TFAP4: variants seen among roughly 807,000 people sequenced by gnomAD.
TFAP4 encodes the protein transcription factor AP-4.
In TFAP4, 7 loss-of-function variants were observed where a neutral mutation model predicts 40.4. The observed-to-expected ratio is 0.17, with a 90% confidence interval of 0.10 to 0.33. TFAP4 has a LOEUF of 0.33. Ranked by LOEUF, TFAP4 falls within the 10% of genes least tolerant of loss-of-function variation. TFAP4 has a pLI of 1.00. For missense variants in TFAP4, 374 were observed against 451.1 expected (o/e 0.83, Z 1.55); for synonymous variants, 218 against 181.4 (o/e 1.20, Z -1.62).
At chr16:4,271,746 G>T (rs570378040) in intron 1 of TFAP4, among the ~76,000 whole-genome samples, 8 of 152,292 alleles carry the variant, frequency 5.3e-5, no homozygotes, top group Admixed American at 3.3e-4. Flanking sequence ...CGTGCGGCGG[G>T]AAGCTGCCCT....
chr16:4,262,356 G>T lies in TFAP4; in HGVS notation c.322C>A (p.Gln108Lys). ...SLEQEKTRLLQQNTQLKRFIQ... is the reference protein window; with the variant it reads ...SLEQEKTRLLKQNTQLKRFIQ... ...AAGCGCTTGAGCTGTGTGTTCTGCT[G>T]CAAGAGCCTGGTCTTCTCCTGCTCC... Residue 108 changes from glutamine (Q) to lysine (K), a missense_variant, in exon 3 of 7, where the codon CAG (glutamine) becomes AAG (lysine). This residue lies in a region of TFAP4 where 51 missense variants were observed against 91.1 expected (regional missense o/e 0.56). Coordinates refer to ENST00000204517, the MANE Select transcript of TFAP4 (RefSeq NM_003223.3). The T allele has an allele frequency of 3.7e-6, 6 of 1,614,236 alleles. No individual in the cohort carries two copies. The highest frequency in any genetic ancestry group is 4.2e-6 in the Non-Finnish European group (5 of 1,180,050).
At position 4,258,044 on chromosome 16, in the gene TFAP4, T is replaced by TG. The variant is rs555049420; in HGVS notation, c.*10dup. 84 of 1,607,294 alleles carry TG rather than the reference T, an allele frequency of 5.2e-5. No individual in the cohort carries two copies. Among genetic ancestry groups the TG allele is most frequent in the Admixed American group, 1.8e-4 (11 of 59,552 alleles). Reference sequence around the variant, plus strand: ...CAGCCCCCAGAAGGGAGAGGAGGGCTGGGGGGGTAGTCAGGGAAGCTCCCC... The same window carrying TG: ...CAGCCCCCAGAAGGGAGAGGAGGGCTGGGGGGGGTAGTCAGGGAAGCTCCCC... On this transcript the variant is annotated 3_prime_UTR_variant, in exon 7 of 7. Transcript: ENST00000204517.
At chr16:4,264,704 G>A (rs1473514767) in intron 1 of TFAP4, 1 of 152,370 alleles carries the variant, frequency 6.6e-6, no homozygotes, top group Non-Finnish European at 1.5e-5. Flanking sequence ...ACGGCTGTGT[G>A]TGGCCCAGCC....
At chr16:4,270,056 A>G (rs891489666) in intron 1 of TFAP4, among the ~76,000 whole-genome samples, 17 of 151,192 alleles carry the variant, frequency 1.1e-4, no homozygotes, top group African/African-American at 3.2e-4. Flanking sequence ...ATGCTGACAC[A>G]TGCCTGTAAT....
chr16:4,270,985 G>T (rs1428312196), intron 1 of TFAP4, among the ~76,000 whole-genome samples: 1 of 152,240 alleles, frequency 6.6e-6, no homozygotes, highest in Non-Finnish European at 1.5e-5. Context: ...CTCATAGAAA[G>T]ATTATGACAA....
intron 1 of TFAP4, among the ~76,000 whole-genome samples, chr16:4,272,370 G>C (rs367831570): frequency 1.3e-5 from 2 of 152,114 alleles, no homozygotes; most frequent in Admixed American, 6.5e-5. Context: ...AAGCATGGCC[G>C]GGACTGCTGC....
chr16:4,265,764 A>G (rs1225286968), intron 1 of TFAP4: 1 of 152,200 alleles, frequency 6.6e-6, no homozygotes, highest in East Asian at 1.9e-4. Flanking sequence ...TGAGCAAGCA[A>G]TGCAGGGTCG....
rs760098052 is a variant in TFAP4, at chr16:4,258,194, C to CGCT, written c.875_877dup (p.Gln292dup). 1.9e-6 allele frequency: 3 copies of CGCT among 1,611,268 alleles called. No individual in the cohort carries two copies. The highest frequency in any genetic ancestry group is 2.5e-6 in the Non-Finnish European group (3 of 1,178,020). On this transcript the variant is annotated inframe_insertion, in exon 7 of 7. Coordinates refer to ENST00000204517, the MANE Select transcript of TFAP4 (RefSeq NM_003223.3). ...GACAGGCTTCACGATGACAGCTCGC[C>CGCT]GCTGCTCCTCCTCCAGCTCCTGCTT...
rs1365679586 is a variant in TFAP4, at chr16:4,262,571, G to C, written c.220C>G (p.Leu74Val). ...INAGFQSLKT[L>V]IPHTDGEKLS... The stretch of plus-strand genomic sequence containing the variant: ...TTCTCTCCGTCTGTGTGGGGGATGA[G>C]GGTCTTGAGGGACTGGAATCCCGCG... The change falls in exon 2 of 7, where the codon CTC becomes GTC. Residue 74 changes from leucine to valine, a missense_variant. Physicochemically the swap from Leu to Val is conservative, Grantham distance 32. Coordinates refer to ENST00000204517, the MANE Select transcript of TFAP4 (RefSeq NM_003223.3). The C allele has an allele frequency of 1.2e-6, 2 of 1,612,350 alleles. No homozygotes were observed. Among genetic ancestry groups the C allele is most frequent in the Non-Finnish European group, 1.7e-6 (2 of 1,180,018 alleles).
At chr16:4,272,478 A>G (rs987015694) in intron 1 of TFAP4, among the ~76,000 whole-genome samples, 180 bp downstream of exon 1, 1 of 151,730 alleles carries the variant, frequency 6.6e-6, no homozygotes, top group African/African-American at 2.4e-5. Context: ...CCATGCTCCA[A>G]GGAAGGAGGG....
At chr16:4,262,022 G>GC in intron 3 of TFAP4, 73 bp from the exon 4 acceptor site, 1 of 1,448,318 alleles carries the variant, frequency 6.9e-7, no homozygotes. Flanking sequence ...TTCCATCGCA[G>GC]CCCCCCAAAG....
rs528385650 is a variant in TFAP4 at position 4,260,220 on chromosome 16, T to C, written c.692A>G (p.His231Arg). The C allele has an allele frequency of 5.9e-6, 1 of 169,372 alleles. No individual in the cohort carries two copies. The highest frequency in any genetic ancestry group is 1.1e-5 in the Non-Finnish European group (1 of 89,800). 10.5% of individuals were successfully genotyped at this position (169,372 alleles called of 1,614,324 possible). ...TQLLPPPAPT[H>R]HPTVIVPAPP... The stretch of plus-strand genomic sequence containing the variant: ...TGCTGGCACGATCACCGTGGGGTGG[T>C]GGGTGGGGGCCGGAGGGGGCAGAAG... Residue 231 changes from histidine to arginine, a missense_variant, in exon 6 of 7, where the codon CAC becomes CGC. Around this residue, in one of 6 missense-constraint regions of TFAP4, gnomAD observed 161 missense variants for 154.2 expected, o/e 1.04. Transcript: ENST00000204517.
Position 4,261,797 on chromosome 16 carries a change from G to T in TFAP4, c.507C>A (p.Arg169=). Residue 169 remains arginine (R), a synonymous_variant, in exon 4 of 7, where the codon CGC becomes CGA. Coordinates refer to ENST00000204517, the MANE Select transcript of TFAP4 (RefSeq NM_003223.3). ...RQQLDKERSV[R]MMLEEQVRSL... Reference sequence around the variant, plus strand: ...GCCTCACCTGCTCCTCCAGCATCATGCGCACCGAGCGCTCCTTGTCCAGCT... The same window carrying T: ...GCCTCACCTGCTCCTCCAGCATCATTCGCACCGAGCGCTCCTTGTCCAGCT... 6.2e-7 allele frequency: 1 copy of T among 1,609,262 alleles called. No homozygotes were observed. The highest frequency in any genetic ancestry group is 2.2e-5 in the East Asian group (1 of 44,844).
intron 1 of TFAP4, chr16:4,265,384 T>G (rs932057776): frequency 2.0e-5 from 3 of 152,124 alleles, no homozygotes; most frequent in African/African-American, 4.8e-5. Flanking sequence ...GAGGCCAAAG[T>G]AGGAGGATCG....
In TFAP4 at chr16:4,272,647, G is replaced by A. The variant is rs757039827; in HGVS notation, c.89+11C>T. ...TGGTAGGAAGGGGGTGGGGGGAGGA[G>A]GAGTACACACCTACAGAGCCCTCCT... On this transcript the variant is annotated intron_variant, in intron 1 of 6. Transcript: ENST00000204517. 28 of 1,603,932 alleles carry A rather than the reference G, an allele frequency of 1.7e-5. No individual in the cohort carries two copies. The South Asian group carries it at 3.0e-4, about 17-fold the overall frequency.
chr16:4,270,343 CAGGCCTGGG>C, intron 1 of TFAP4, among the ~76,000 whole-genome samples: 2 of 152,314 alleles, frequency 1.3e-5, no homozygotes, highest in Middle Eastern at 6.8e-3. Context: ...TCCCCTCTGG[CAGGCCTGGG>C]AGACAGAAAG....
Position 4,269,245 on chromosome 16 carries a change from A to G in TFAP4, c.89+3413T>C, listed in dbSNP as rs564317602. On this transcript the variant is annotated intron_variant, in intron 1 of 6. Transcript: ENST00000204517. ...GCGGTGGCTCACGCCTGTAATCCCA[A>G]CACTTTGGGAGGCCGAGGTGGGCAG... is the stretch of plus-strand genomic sequence containing the variant. Among the ~76,000 whole-genome samples, 762 of 151,566 alleles carry G rather than the reference A, an allele frequency of 5.0e-3. 5 individuals carry two copies. The highest frequency in any genetic ancestry group is 0.017 in the African/African-American group (698 of 41,432).
chr16:4,264,067 G>A (rs2052971179), intron 1 of TFAP4: 2 of 152,480 alleles, frequency 1.3e-5, no homozygotes, highest in South Asian at 4.1e-4. Context: ...CCCTGTTCCA[G>A]GACTGGGCCA....
chr16:4,270,115 G>T (rs768771608), intron 1 of TFAP4, among the ~76,000 whole-genome samples: 3 of 152,148 alleles, frequency 2.0e-5, no homozygotes, highest in Admixed American at 6.5e-5. Flanking sequence ...AATCTAGGAG[G>T]CGGAGGTTGC....
Sources: allele counts gnomAD v4.1 joint callset (sites outside exome capture counted in the v4.1 genomes callset), GRCh38; gene constraint gnomAD v4.1.1; regional missense constraint gnomAD v4.1.1; transcripts MANE v1.5; gene names NCBI Gene and HGNC (gene_info 2026-07-23, HGNC 2026-07-21).